The following OSBPL5 variants were observed in gnomAD, a reference collection of about 807,000 sequenced individuals.
OSBPL5 encodes oxysterol binding protein like 5.
OSBPL5 carries 71 observed loss-of-function variants against 111.2 expected under a neutral mutation model. The ratio of observed to expected loss-of-function variants is 0.64; its 90% CI spans 0.53 to 0.78. The LOEUF is 0.78. Among genes scored for constraint, OSBPL5 ranks in the 30% least tolerant of loss-of-function variants. The probability of loss-of-function intolerance (pLI) is 0.00; values close to 1 mark genes in which losing one functional copy is unlikely to be tolerated. For missense variants in OSBPL5, 1,210 were observed against 1,189.3 expected, an observed-to-expected ratio of 1.02 and a Z score of -0.26; for synonymous variants, 549 against 513.9, an observed-to-expected ratio of 1.07 and a Z score of -0.93.
intron 4 of OSBPL5, 106 bp from the exon 5 acceptor site, chr11:3,122,204 G>T (rs1858443153): frequency 1.5e-6 from 2 of 1,300,806 alleles, no homozygotes; most frequent in South Asian, 2.6e-5. Context: ...GGCAGGAGAG[G>T]AAGTAGGAGG....
In OSBPL5 at chr11:3,121,962, GTGTCC is replaced by G. The variant is rs1858431685; in HGVS notation, c.402+30_402+34del. ...TGTTATGGCAGCAGCACGCTGACCCGTGTCCTGGGTGGCCGGAGGCCGGGCATCAC... is the reference window on the plus strand; with the variant it reads ...TGTTATGGCAGCAGCACGCTGACCCGTGGGTGGCCGGAGGCCGGGCATCAC... On this transcript the variant is annotated intron_variant, in intron 5 of 21. Transcript: ENST00000263650. The surrounding 1 kb of genome is among the most constrained non-coding windows in gnomAD (Gnocchi z 4.3). 4.0e-6 allele frequency: 6 copies of G among 1,518,824 alleles called. No homozygotes were observed. The highest frequency in any genetic ancestry group is 5.3e-6 in the Non-Finnish European group (6 of 1,128,092). 94.1% of individuals were successfully genotyped at this position (1,518,824 alleles called of 1,614,324 possible).
intron 1 of OSBPL5, among the ~76,000 whole-genome samples, chr11:3,133,328 G>A (rs1173128324): frequency 7.2e-5 from 11 of 152,226 alleles, no homozygotes; most frequent in South Asian, 6.2e-4. Context: ...AGGATGGGTC[G>A]ACAAGGAAAC....
chr11:3,126,823 G>A lies in OSBPL5; in HGVS notation c.137-268C>T, dbSNP rs1858645306. Reference sequence around the variant, plus strand: ...GCTGGGACAGGAGCTGGTAGGAACCGGCATCCTGGGCCTGCTGTAGTGTGC... The same window carrying A: ...GCTGGGACAGGAGCTGGTAGGAACCAGCATCCTGGGCCTGCTGTAGTGTGC... On this transcript the variant is annotated intron_variant, in intron 2 of 21. Transcript: ENST00000263650. This position sits in a 1 kb window ranked among gnomAD's most constrained non-coding sequence, Gnocchi z 6.5. 6.6e-6 allele frequency among the ~76,000 whole-genome samples: 1 copy of A among 152,218 alleles called. No homozygotes were observed. The highest frequency in any genetic ancestry group is 2.4e-5 in the African/African-American group (1 of 41,456).
rs1846084745 is a variant in OSBPL5 at position 3,140,784 on chromosome 11, C to G, written c.-21-11615G>C. Among the ~76,000 whole-genome samples the G allele has an allele frequency of 6.6e-6, 1 of 152,124 alleles. No homozygotes were observed. Among genetic ancestry groups the G allele is most frequent in the South Asian group, 2.1e-4 (1 of 4,834 alleles). ...GGGGTATGTGGGTACCTGGGGCGGC[C>G]CCTCATGTCCAGGAGCTGAGGCTGC... On this transcript the variant is annotated intron_variant, in intron 1 of 21. Transcript: ENST00000263650. This position sits in a 1 kb window ranked among gnomAD's most constrained non-coding sequence, Gnocchi z 4.5.
At position 3,161,968 on chromosome 11, in the gene OSBPL5, G is replaced by C. The variant is rs1290955525; in HGVS notation, c.-22+3248C>G. Among the ~76,000 whole-genome samples the C allele has an allele frequency of 6.6e-6, 1 of 151,974 alleles. No individual in the cohort carries two copies. Among genetic ancestry groups the C allele is most frequent in the Non-Finnish European group, 1.5e-5 (1 of 67,976 alleles). On this transcript the variant is annotated intron_variant, in intron 1 of 21. Coordinates refer to ENST00000263650, the MANE Select transcript of OSBPL5 (RefSeq NM_020896.4). The surrounding 1 kb of genome is among the most constrained non-coding windows in gnomAD (Gnocchi z 8.0). ...ACGCCAGACCCCTGTGAGCAAGGAG[G>C]GGAGAGGGAGGGGAGGGGAGGGGGA...
rs1225818353 is a variant in OSBPL5 at position 3,107,344 on chromosome 11, G to C, written c.978C>G (p.Gly326=). 6.2e-7 allele frequency: 1 copy of C among 1,614,012 alleles called. No homozygotes were observed. The highest frequency in any genetic ancestry group is 1.1e-5 in the South Asian group (1 of 91,084). The change falls in exon 9 of 22, where the codon GGC becomes GGG. Residue 326 remains glycine (G), a synonymous_variant. Transcript: ENST00000263650. This position sits in a 1 kb window ranked among gnomAD's most constrained non-coding sequence, Gnocchi z 6.1. ...CCCCAGGGGTCTCTGACTGGTCGCT[G>C]CCACTCTCCGTCTTCCGGCTATGGT... The part of the protein sequence containing the change: ...TQDHSRKTES[G]SDQSETPGAP...
At chr11:3,103,769 C>T (rs528382277) in intron 10 of OSBPL5, among the ~76,000 whole-genome samples, 12,006 of 87,764 alleles carry the variant, frequency 0.14, 885 homozygotes, top group Middle Eastern at 0.17. Flanking sequence ...CTGCAGCCCC[C>T]TTCCAGCCTC....
chr11:3,129,700 G>A (rs370928639), intron 1 of OSBPL5, among the ~76,000 whole-genome samples: 1 of 152,182 alleles, frequency 6.6e-6, no homozygotes, highest in African/African-American at 2.4e-5. Flanking sequence ...TCCCAGGAGC[G>A]CCTCGCCTCT....
chr11:3,136,734 C>G (rs375205498), intron 1 of OSBPL5, among the ~76,000 whole-genome samples: 1 of 152,238 alleles, frequency 6.6e-6, no homozygotes, highest in East Asian at 1.9e-4. Flanking sequence ...GCCCCCTCCA[C>G]GCCTATGTGG....
intron 1 of OSBPL5, among the ~76,000 whole-genome samples, chr11:3,139,622 T>C (rs1846047617): frequency 6.6e-6 from 1 of 152,132 alleles, no homozygotes. Flanking sequence ...CCCTGGCCTC[T>C]GGACAAGCCC....
Position 3,141,829 on chromosome 11 carries a change from C to T in OSBPL5, c.-21-12660G>A, listed in dbSNP as rs972211579. Reference sequence around the variant, plus strand: ...CAGTGCAGGGACTGGGAGGACTCTACGCCCTGGAAGGAAAAAAGACTGCAA... The same window carrying T: ...CAGTGCAGGGACTGGGAGGACTCTATGCCCTGGAAGGAAAAAAGACTGCAA... On this transcript the variant is annotated intron_variant, in intron 1 of 21. Transcript: ENST00000263650. The surrounding 1 kb of genome is among the most constrained non-coding windows in gnomAD (Gnocchi z 6.5). Among the ~76,000 whole-genome samples the T allele has an allele frequency of 2.0e-5, 3 of 146,866 alleles. No homozygotes were observed. The highest frequency in any genetic ancestry group is 6.7e-5 in the Admixed American group (1 of 14,850).
At position 3,093,531 on chromosome 11, in the gene OSBPL5, C is replaced by T. The variant is rs374824031; in HGVS notation, c.1942G>A (p.Glu648Lys). 1.4e-5 allele frequency: 22 copies of T among 1,608,598 alleles called. No homozygotes were observed. Among genetic ancestry groups the T allele is most frequent in the African/African-American group, 1.3e-4 (10 of 75,066 alleles). ...PLEEQTELES[E>K]RLWQHVTRAI... Reference sequence around the variant, plus strand: ...CTGGGCGCTGACAGGCCTCACCTCTCGGACTCCAGCTCCGTCTGCTCCTCC... The same window carrying T: ...CTGGGCGCTGACAGGCCTCACCTCTTGGACTCCAGCTCCGTCTGCTCCTCC... The change falls in exon 17 of 22, where the codon GAG (glutamate) becomes AAG (lysine). Residue 648 changes from glutamate to lysine, a missense_variant. Physicochemically the swap from Glu to Lys is moderately conservative, Grantham distance 56. Coordinates refer to ENST00000263650, the MANE Select transcript of OSBPL5 (RefSeq NM_020896.4).
At chr11:3,134,995 C>T (rs1351468430) in intron 1 of OSBPL5, among the ~76,000 whole-genome samples, 1 of 152,222 alleles carries the variant, frequency 6.6e-6, no homozygotes, top group Non-Finnish European at 1.5e-5. Flanking sequence ...TTTCTCTGCA[C>T]CCCAGCCCCC....
chr11:3,107,470 G>C lies in OSBPL5; in HGVS notation c.867-15C>G. 2 of 1,613,336 alleles carry C rather than the reference G, an allele frequency of 1.2e-6. No individual in the cohort carries two copies. Among genetic ancestry groups the C allele is most frequent in the Non-Finnish European group, 1.7e-6 (2 of 1,179,498 alleles). On this transcript the variant is annotated splice_polypyrimidine_tract_variant and intron_variant, in intron 8 of 21. Transcript: ENST00000263650. This position sits in a 1 kb window ranked among gnomAD's most constrained non-coding sequence, Gnocchi z 6.1. The stretch of plus-strand genomic sequence containing the variant: ...ACCCGTTCAGTCTGGAAGGTGGATG[G>C]TGCCAGTGGGTCCCTGTCACAGGTG...
intron 1 of OSBPL5, among the ~76,000 whole-genome samples, chr11:3,131,587 C>CACCCACT (rs1858842311): frequency 3.7e-5 from 4 of 109,572 alleles, no homozygotes; most frequent in African/African-American, 1.6e-4. Context: ...ATCCATCCAC[C>CACCCACT]CATTCATCCA....
chr11:3,108,871 C>T (rs184573141), intron 7 of OSBPL5, among the ~76,000 whole-genome samples: 323 of 152,292 alleles, frequency 2.1e-3, no homozygotes, highest in Middle Eastern at 6.8e-3. Flanking sequence ...CGGGTTCAAG[C>T]GATTCTCCTG....
intron 1 of OSBPL5, among the ~76,000 whole-genome samples, chr11:3,152,934 C>G (rs551235569): frequency 2.2e-4 from 34 of 152,266 alleles, no homozygotes; most frequent in South Asian, 1.7e-3. Context: ...TCCCGGTTTG[C>G]TCACTTTTCT....
At chr11:3,089,768 C>T in intron 21 of OSBPL5, 78 bp downstream of exon 21, 2 of 1,398,740 alleles carry the variant, frequency 1.4e-6, no homozygotes, top group Non-Finnish European at 2.0e-6. Flanking sequence ...CTGGCCTCCC[C>T]ACCTCCCGCC....
chr11:3,107,731 C>A lies in OSBPL5; in HGVS notation c.866+40G>T. ...CTCTTCCTCGCCTACAAGGAGACCC[C>A]GTGAATCACCACCAGCCCCTGTGCC... is the stretch of plus-strand genomic sequence containing the variant. On this transcript the variant is annotated intron_variant, in intron 8 of 21. Coordinates refer to ENST00000263650, the MANE Select transcript of OSBPL5 (RefSeq NM_020896.4). The surrounding 1 kb of genome is among the most constrained non-coding windows in gnomAD (Gnocchi z 6.1). 1 of 1,601,900 alleles carries A rather than the reference C, an allele frequency of 6.2e-7. No homozygotes were observed. The highest frequency in any genetic ancestry group is 1.1e-5 in the South Asian group (1 of 90,908).
Sources: allele counts gnomAD v4.1 joint callset (sites outside exome capture counted in the v4.1 genomes callset), GRCh38; gene constraint gnomAD v4.1.1; non-coding constraint Gnocchi (gnomAD v3.1); transcripts MANE v1.5; gene names NCBI Gene and HGNC (gene_info 2026-07-23, HGNC 2026-07-21).